The following PAX5 variants were observed in gnomAD, a reference collection of about 807,000 sequenced individuals.
PAX5 encodes the protein paired box 5, also known as paired box protein Pax-5.
In PAX5, 9 loss-of-function variants were observed where a neutral mutation model predicts 43.7. The observed-to-expected ratio is 0.21, with a 90% CI of 0.12 to 0.36. The LOEUF is 0.36. Among genes scored for constraint, PAX5 ranks in the 10% least tolerant of loss-of-function variants. PAX5 has a pLI of 1.00. For synonymous variants in PAX5, 228 were observed against 214.3 expected (o/e 1.06, Z -0.56); for missense variants, 383 against 532.7 (o/e 0.72, Z 2.77).
intron 3 of PAX5, among the ~76,000 whole-genome samples, chr9:37,010,945 A>T: frequency 6.6e-6 from 1 of 151,928 alleles, no homozygotes; most frequent in East Asian, 1.9e-4. Context: ...ACACGATGAA[A>T]CCCTATCTCT....
intron 5 of PAX5, among the ~76,000 whole-genome samples, chr9:36,993,216 C>A (rs1837083690): frequency 6.6e-6 from 1 of 152,224 alleles, no homozygotes; most frequent in Non-Finnish European, 1.5e-5. Flanking sequence ...CAATGCCATT[C>A]ATACTAAATT....
intron 7 of PAX5, among the ~76,000 whole-genome samples, chr9:36,896,012 C>T (rs1827830615): frequency 6.6e-6 from 1 of 152,158 alleles, no homozygotes; most frequent in Non-Finnish European, 1.5e-5. Context: ...GGGCAGGTCC[C>T]CTCTCCTCTG....
At chr9:37,003,306 C>G (rs1838103175) in intron 4 of PAX5, among the ~76,000 whole-genome samples, 1 of 152,080 alleles carries the variant, frequency 6.6e-6, no homozygotes, top group South Asian at 2.1e-4. Context: ...CAGAGTGCCC[C>G]TTCTTTTTAT....
rs1821510278 is a variant in PAX5, at chr9:36,834,551, T to G, written c.*6009A>C. 4.3e-6 allele frequency: 1 copy of G among 233,140 alleles called. No homozygotes were observed. The highest frequency in any genetic ancestry group is 8.5e-6 in the Non-Finnish European group (1 of 118,052). 14.4% of individuals were successfully genotyped at this position (233,140 alleles called of 1,614,324 possible). A position where few individuals can be genotyped will look rare whatever the true frequency, so the allele number is the denominator to read the frequency against. On this transcript the variant is annotated 3_prime_UTR_variant, in exon 10 of 10. Coordinates refer to ENST00000358127, the MANE Select transcript of PAX5 (RefSeq NM_016734.3). ...AGACTCAGGATTTATTTATTTTCTTTTTAGCTTTATAGCAATTAATTGGCT... is the reference window on the plus strand; with the variant it reads ...AGACTCAGGATTTATTTATTTTCTTGTTAGCTTTATAGCAATTAATTGGCT...
rs377112359 is a variant in PAX5 at position 36,961,818 on chromosome 9, G to T, written c.780+4731C>A. ...TGGAAACATACACACACACACGCAC[G>T]CACATACACACGTGCACGCACACAC... On this transcript the variant is annotated intron_variant, in intron 6 of 9. Coordinates refer to ENST00000358127, the MANE Select transcript of PAX5 (RefSeq NM_016734.3). 6.0e-4 allele frequency among the ~76,000 whole-genome samples: 92 copies of T among 152,218 alleles called. 2 individuals are homozygous for T. The South Asian group carries it at 0.018, about 31-fold the overall frequency.
At chr9:36,896,322 A>C (rs1187771299) in intron 7 of PAX5, among the ~76,000 whole-genome samples, 2 of 151,816 alleles carry the variant, frequency 1.3e-5, no homozygotes, top group Non-Finnish European at 2.9e-5. Flanking sequence ...GGAACCAAGA[A>C]AGTCCAAACA....
At chr9:36,928,105 A>G (rs555635022) in intron 6 of PAX5, among the ~76,000 whole-genome samples, 5 of 152,350 alleles carry the variant, frequency 3.3e-5, no homozygotes, top group East Asian at 3.9e-4. Flanking sequence ...CTGCTCCTGC[A>G]TGAGCCAGGG....
intron 2 of PAX5, among the ~76,000 whole-genome samples, chr9:37,016,652 C>T (rs1028899120): frequency 2.0e-5 from 3 of 152,134 alleles, no homozygotes; most frequent in African/African-American, 7.2e-5. Context: ...TTTCCTTTTC[C>T]AAGGAAATTA....
chr9:36,872,226 G>A (rs1053449703), intron 8 of PAX5, among the ~76,000 whole-genome samples: 53 of 152,192 alleles, frequency 3.5e-4, no homozygotes, highest in African/African-American at 1.2e-3. Flanking sequence ...GCCCTTGGAA[G>A]TGATTACCAG....
chr9:36,896,974 G>A (rs899613306), intron 7 of PAX5, among the ~76,000 whole-genome samples: 2 of 152,182 alleles, frequency 1.3e-5, no homozygotes, highest in Admixed American at 6.5e-5. Context: ...TCTGAGATTC[G>A]GTTCCTGCAG....
At chr9:36,894,959 T>C (rs1392719969) in intron 7 of PAX5, among the ~76,000 whole-genome samples, 1 of 152,240 alleles carries the variant, frequency 6.6e-6, no homozygotes, top group East Asian at 1.9e-4. Context: ...CCCGCCTTCC[T>C]TTCCTCGTCT....
At chr9:36,983,938 C>A (rs963478370) in intron 5 of PAX5, among the ~76,000 whole-genome samples, 5 of 151,956 alleles carry the variant, frequency 3.3e-5, no homozygotes, top group Non-Finnish European at 7.3e-5. Context: ...GACAGAAAGA[C>A]AAGTACCAAA....
Position 36,923,400 on chromosome 9 carries a change from T to C in PAX5, c.865A>G (p.Ile289Val), listed in dbSNP as rs756237395. 2 of 1,613,430 alleles carry C rather than the reference T, an allele frequency of 1.2e-6. No individual in the cohort carries two copies. The highest frequency in any genetic ancestry group is 3.3e-5 in the Admixed American group (2 of 60,022). ...TGCGGGCCTGGCACACTGCTCCCGA[T>C]GTCAGCAGGGGTGGGGCTGGCCAGA... ...ANLASPTPAD[I>V]GSSVPGPQSY... The change falls in exon 7 of 10, where the codon ATC becomes GTC. Residue 289 changes from isoleucine to valine, a missense_variant. By Grantham distance (29) the Ile-to-Val change is conservative (BLOSUM62 3). Transcript: ENST00000358127.
intron 5 of PAX5, among the ~76,000 whole-genome samples, chr9:36,988,455 G>A (rs1836644011): frequency 6.6e-6 from 1 of 152,094 alleles, no homozygotes; most frequent in Non-Finnish European, 1.5e-5. Flanking sequence ...GAGCCCAAGA[G>A]TTCAAGACCA....
intron 5 of PAX5, among the ~76,000 whole-genome samples, chr9:36,989,920 A>G (rs145523753): frequency 2.6e-5 from 4 of 152,304 alleles, no homozygotes; most frequent in Non-Finnish European, 4.4e-5. Context: ...TCCTGCCTTC[A>G]TGGAGCTCAC....
At chr9:36,999,937 C>T (rs1021937394) in intron 5 of PAX5, among the ~76,000 whole-genome samples, 3 of 152,112 alleles carry the variant, frequency 2.0e-5, no homozygotes, top group African/African-American at 4.8e-5. Context: ...CAGACTGCTC[C>T]GCCTCCAAAG....
At chr9:37,026,675 T>G in intron 1 of PAX5, 1 of 1,333,342 alleles carries the variant, frequency 7.5e-7, no homozygotes, top group Non-Finnish European at 9.8e-7. Flanking sequence ...CCAGGCACTG[T>G]GCGAGCTGGG....
Position 36,838,194 on chromosome 9 carries a change from CG to C in PAX5, c.*2365del. ...TTGCCCCGCAGGTTCTGGGTGGGGG[CG>C]GGGGTGCATGTGCCTGCTGTGAGCT... On this transcript the variant is annotated 3_prime_UTR_variant, in exon 10 of 10. Coordinates refer to ENST00000358127, the MANE Select transcript of PAX5 (RefSeq NM_016734.3). 4.3e-6 allele frequency: 1 copy of C among 233,206 alleles called. No homozygotes were observed. The highest frequency in any genetic ancestry group is 6.0e-5 in the East Asian group (1 of 16,564). 14.4% of individuals were successfully genotyped at this position (233,206 alleles called of 1,614,324 possible).
intron 5 of PAX5, among the ~76,000 whole-genome samples, chr9:36,975,408 C>G (rs1362736210): frequency 6.7e-6 from 1 of 149,192 alleles, no homozygotes; most frequent in Non-Finnish European, 1.5e-5. Context: ...TTTTTTGAGA[C>G]GGAGTCTTGC....
Sources: gnomAD v4.1 joint callset for allele counts (sites outside exome capture counted in the v4.1 genomes callset) on GRCh38, gnomAD v4.1.1 for gene constraint, MANE v1.5 for transcripts, NCBI Gene and HGNC (gene_info 2026-07-23, HGNC 2026-07-21) for gene names.